Variants in DZIP3 observed in about 807,000 individuals in gnomAD.
DZIP3 encodes E3 ubiquitin-protein ligase DZIP3.
A neutral mutation model predicts 162.0 loss-of-function variants in DZIP3; 118 were observed. The observed-to-expected ratio is 0.73, with a 90% CI of 0.63 to 0.85. The LOEUF (loss-of-function observed/expected upper bound fraction) is 0.85. DZIP3 is among the 40% of genes least tolerant of loss of function. The pLI is 0.00. For missense variants in DZIP3, 1,331 were observed against 1,407.0 expected, an observed-to-expected ratio of 0.95 and a Z score of 0.86; for synonymous variants, 438 against 458.6, an observed-to-expected ratio of 0.96 and a Z score of 0.57.
At chr3:108,615,307 G>GT (rs1244372832) in intron 4 of DZIP3, among the ~76,000 whole-genome samples, 2 of 152,220 alleles carry the variant, frequency 1.3e-5, no homozygotes, top group Non-Finnish European at 2.9e-5. Context: ...CACCTAGGCT[G>GT]TTTGACAGAG....
intron 7 of DZIP3, 75 bp from the exon 8 acceptor site, chr3:108,628,987 A>T (rs1941708004): frequency 1.1e-6 from 1 of 882,214 alleles, no homozygotes; most frequent in African/African-American, 1.7e-5. Context: ...AAAAAGGGTT[A>T]TTTGTTGTCT....
At chr3:108,599,309 G>A (rs867230009) in intron 1 of DZIP3, among the ~76,000 whole-genome samples, 1 of 152,132 alleles carries the variant, frequency 6.6e-6, no homozygotes, top group Non-Finnish European at 1.5e-5. Flanking sequence ...GTTTGAATAA[G>A]CAAACTGTAT....
At position 108,654,204 on chromosome 3, in the gene DZIP3, T is replaced by A. The variant is rs1298748643; in HGVS notation, c.2093T>A (p.Val698Asp). 6.2e-7 allele frequency: 1 copy of A among 1,613,776 alleles called. No individual in the cohort carries two copies. The highest frequency in any genetic ancestry group is 8.5e-7 in the Non-Finnish European group (1 of 1,179,748). ...AAAGAACAAGCAAATCCACACTCAG[T>A]CAGTAGACTTATAAAAGATGATGCA... ...LRKEQANPHS[V>D]SRLIKDDASD... The change falls in exon 19 of 33, where the codon GTC becomes GAC. Residue 698 changes from valine to aspartate, a missense_variant. Transcript: ENST00000361582.
rs374305698 is a variant in DZIP3 at position 108,686,466 on chromosome 3, C to G, written c.3031C>G (p.Leu1011Val). 22 of 1,601,368 alleles carry G rather than the reference C, an allele frequency of 1.4e-5. No individual in the cohort carries two copies. Among genetic ancestry groups the G allele is most frequent in the Non-Finnish European group, 1.7e-5 (20 of 1,175,946 alleles). Reference sequence around the variant, plus strand: ...ACAGATGACTGGCATAGCCTGGGCTCTGCCAGCGCCTGTGGGAGACGCTGT... The same window carrying G: ...ACAGATGACTGGCATAGCCTGGGCTGTGCCAGCGCCTGTGGGAGACGCTGT... ...APLMTGIAWA[L>V]PAPVGDAVPP... The change falls in exon 28 of 33, where the codon CTG becomes GTG. Residue 1011 changes from leucine to valine, a missense_variant. Leu to Val is a conservative substitution (Grantham distance 32). Around this residue, in one of 2 missense-constraint regions of DZIP3, gnomAD observed 1,278 missense variants for 1,317.1 expected, o/e 0.97. Coordinates refer to ENST00000361582, the MANE Select transcript of DZIP3 (RefSeq NM_014648.4).
chr3:108,625,549 C>A (rs1224578941), intron 6 of DZIP3, among the ~76,000 whole-genome samples: 1 of 152,166 alleles, frequency 6.6e-6, no homozygotes, highest in African/African-American at 2.4e-5. Flanking sequence ...TGTGCACCAC[C>A]ATGCCTAATT....
chr3:108,677,472 A>G, intron 25 of DZIP3, 25 bp from the exon 26 acceptor site: 1 of 1,600,400 alleles, frequency 6.2e-7, no homozygotes, highest in Middle Eastern at 1.7e-4. Context: ...TGTTCTCTAA[A>G]GTATTTTTAG....
At position 108,688,725 on chromosome 3, in the gene DZIP3, G is replaced by A; in HGVS notation, c.3403G>A (p.Ala1135Thr). The part of the protein sequence containing the change: ...TSQGPATWEG[A>T]SNPDEEEEEE... The stretch of plus-strand genomic sequence containing the variant: ...ACAGGGTCCTGCCACATGGGAAGGA[G>A]CCAGTAATCCAGTGAGACTGAAATT... Residue 1135 changes from alanine to threonine, a missense_variant, in exon 30 of 33, where the codon GCC (alanine) becomes ACC (threonine). Transcript: ENST00000361582. 6.2e-7 allele frequency: 1 copy of A among 1,614,040 alleles called. No individual in the cohort carries two copies. The highest frequency in any genetic ancestry group is 8.5e-7 in the Non-Finnish European group (1 of 1,179,988).
At chr3:108,636,321 C>T (rs9844167) in intron 10 of DZIP3, among the ~76,000 whole-genome samples, 2,897 of 152,028 alleles carry the variant, frequency 0.019, 101 homozygotes, top group African/African-American at 0.067. Flanking sequence ...ATCCTCTTTA[C>T]CCATACTTAA....
intron 1 of DZIP3, among the ~76,000 whole-genome samples, chr3:108,595,085 A>G (rs1018637900): frequency 6.6e-6 from 1 of 152,242 alleles, no homozygotes; most frequent in African/African-American, 2.4e-5. Flanking sequence ...GACAAACCAG[A>G]ATAAGTACTG....
At chr3:108,629,545 T>A (rs901856072) in intron 8 of DZIP3, among the ~76,000 whole-genome samples, 4 of 152,050 alleles carry the variant, frequency 2.6e-5, no homozygotes, top group African/African-American at 7.2e-5. Flanking sequence ...TGCCTAAAGA[T>A]AAAGATGAAA....
Position 108,637,530 on chromosome 3 carries a change from T to C in DZIP3, c.1046T>C (p.Ile349Thr), listed in dbSNP as rs751961765. The change falls in exon 12 of 33, where the codon ATT (isoleucine) becomes ACT (threonine). Residue 349 changes from isoleucine to threonine, a missense_variant. Physicochemically the swap from Ile to Thr is moderately conservative, Grantham distance 89. Around this residue, in one of 2 missense-constraint regions of DZIP3, gnomAD observed 1,278 missense variants for 1,317.1 expected, o/e 0.97. Transcript: ENST00000361582. Reference sequence around the variant, plus strand: ...GTGAGAAAGGATGAATATATCACCATTGAAAATTTAGGAGCAAGGTAAGCT... The same window carrying C: ...GTGAGAAAGGATGAATATATCACCACTGAAAATTTAGGAGCAAGGTAAGCT... ...EVVRKDEYIT[I>T]ENLGASYRKL... The C allele has an allele frequency of 8.1e-6, 13 of 1,611,016 alleles. No individual in the cohort carries two copies. In the East Asian group the frequency reaches 9.0e-5, roughly 11 times the overall value.
At chr3:108,657,108 A>G (rs1266007078) in intron 19 of DZIP3, among the ~76,000 whole-genome samples, 1 of 152,100 alleles carries the variant, frequency 6.6e-6, no homozygotes. Flanking sequence ...GGCAGGCTAG[A>G]TTGTATTCAA....
chr3:108,683,192 A>G (rs1944380584), intron 26 of DZIP3, among the ~76,000 whole-genome samples: 1 of 150,876 alleles, frequency 6.6e-6, no homozygotes, highest in Admixed American at 6.6e-5. Context: ...CTAAAAGATG[A>G]GGAACTCTTA....
intron 19 of DZIP3, among the ~76,000 whole-genome samples, chr3:108,658,993 T>A (rs1943284333): frequency 1.3e-5 from 2 of 152,138 alleles, no homozygotes; most frequent in Non-Finnish European, 2.9e-5. Context: ...ATTGAGGCAA[T>A]AATTAATAGC....
At chr3:108,642,579 A>G in intron 13 of DZIP3, 65 bp downstream of exon 13, 1 of 1,381,766 alleles carries the variant, frequency 7.2e-7, no homozygotes, top group Non-Finnish European at 9.6e-7. Flanking sequence ...TTCTCTGTCA[A>G]CTTTCATGCC....
intron 19 of DZIP3, 141 bp downstream of exon 19, chr3:108,654,451 G>C: frequency 1.1e-6 from 1 of 926,430 alleles, no homozygotes; most frequent in South Asian, 1.5e-5. Flanking sequence ...AAAAGGTAAG[G>C]AGGGATATAT....
chr3:108,631,055 A>ATACACACACACACACACATACACT (rs1553705360), intron 8 of DZIP3, among the ~76,000 whole-genome samples: 1 of 18,006 alleles, frequency 5.6e-5, no homozygotes, highest in Non-Finnish European at 9.0e-5. Context: ...ACACACACAC[A>ATACACACACACACACACATACACT]CTCTCTCTCT....
chr3:108,672,617 CA>C lies in DZIP3; in HGVS notation c.2553del (p.Lys851AsnfsTer2), dbSNP rs1435939099. ...LESTMKTYVS[K>X]LNAETSRALT... ...AAAGCACAATGAAAACATACGTAAG[CA>C]AACTGAACGCAGAAACTAGCAGAGC... On this transcript the variant is annotated frameshift_variant, in exon 23 of 33. Transcript: ENST00000361582. LOFTEE classifies it high-confidence loss of function. The C allele has an allele frequency of 6.2e-7, 1 of 1,611,218 alleles. No homozygotes were observed. Among genetic ancestry groups the C allele is most frequent in the Non-Finnish European group, 8.5e-7 (1 of 1,178,274 alleles).
At chr3:108,657,960 C>G (rs1337899904) in intron 19 of DZIP3, among the ~76,000 whole-genome samples, 6 of 152,128 alleles carry the variant, frequency 3.9e-5, no homozygotes, top group Non-Finnish European at 8.8e-5. Context: ...TATATATGCA[C>G]CCAATATAGG....
Sources: gnomAD v4.1 joint callset for allele counts (sites outside exome capture counted in the v4.1 genomes callset) on GRCh38, gnomAD v4.1.1 for gene constraint, gnomAD v4.1.1 regional missense constraint, MANE v1.5 for transcripts, NCBI Gene and HGNC (gene_info 2026-07-23, HGNC 2026-07-21) for gene names.